FOCAD: variants seen among roughly 807,000 people sequenced by gnomAD.
FOCAD encodes KIAA1797.
A neutral mutation model predicts 225.6 loss-of-function variants in FOCAD; 198 were observed. The ratio of observed to expected loss-of-function variants is 0.88; its 90% CI spans 0.78 to 0.99. The LOEUF is 0.99. Ranked by LOEUF, FOCAD falls within the 50% of genes least tolerant of loss-of-function variation. The pLI, the probability that FOCAD is intolerant of heterozygous loss-of-function variation, is 0.00. For missense variants in FOCAD, 2,713 were observed against 2,123.6 expected (o/e 1.28, Z -5.46); for synonymous variants, 897 against 755.0 (o/e 1.19, Z -3.08).
chr9:20,670,244 A>G (rs924855947), intron 2 of FOCAD, among the ~76,000 whole-genome samples: 1 of 152,224 alleles, frequency 6.6e-6, no homozygotes, highest in African/African-American at 2.4e-5. Context: ...AGGGCTTTAT[A>G]TGAATAATCT....
intron 1 of FOCAD, among the ~76,000 whole-genome samples, chr9:20,713,367 G>A (rs952260922): frequency 6.6e-6 from 1 of 152,008 alleles, no homozygotes; most frequent in African/African-American, 2.4e-5. Flanking sequence ...ACACTCTTCC[G>A]CCTAGATATC....
chr9:20,905,402 A>G (rs1013077796), intron 21 of FOCAD, among the ~76,000 whole-genome samples: 1 of 152,004 alleles, frequency 6.6e-6, no homozygotes, highest in Non-Finnish European at 1.5e-5. Flanking sequence ...TTTAAAAAGC[A>G]TTTGTGAGAC....
chr9:20,880,590 A>C (rs1170971847), intron 19 of FOCAD, among the ~76,000 whole-genome samples: 1 of 152,220 alleles, frequency 6.6e-6, no homozygotes, highest in Admixed American at 6.6e-5. Context: ...AAGAAGGAGT[A>C]AATGGAAAAC....
At chr9:20,656,624 T>G (rs1367809510), upstream of FOCAD, among the ~76,000 whole-genome samples, 1 of 152,028 alleles carries the variant, frequency 6.6e-6, no homozygotes, top group Non-Finnish European at 1.5e-5. Flanking sequence ...GTTTTCCATT[T>G]GCTTGGTAGA....
At chr9:20,795,940 A>T (rs571087618) in intron 11 of FOCAD, among the ~76,000 whole-genome samples, 3 of 151,750 alleles carry the variant, frequency 2.0e-5, no homozygotes, top group African/African-American at 7.3e-5. Flanking sequence ...CATTAGGTAT[A>T]TCTCCTAATG....
chr9:20,692,872 G>T (rs1353036829), intron 1 of FOCAD, among the ~76,000 whole-genome samples: 2 of 152,106 alleles, frequency 1.3e-5, no homozygotes, highest in African/African-American at 2.4e-5. Flanking sequence ...TTCTGAGGGG[G>T]TGCAGCAAAG....
chr9:20,816,925 T>G lies in FOCAD; in HGVS notation c.1456-2871T>G, dbSNP rs112849912. On this transcript the variant is annotated intron_variant, in intron 11 of 43. Coordinates refer to ENST00000338382, the MANE Select transcript of FOCAD (RefSeq NM_001375567.1). ...ATGATTTAAAGTGTATGAAAGGATG[T>G]GCATAGGTTGTATACAAATACCTAT... Among the ~76,000 whole-genome samples, 1,154 of 152,306 alleles carry G rather than the reference T, an allele frequency of 7.6e-3. 15 individuals are homozygous for G. Among genetic ancestry groups the G allele is most frequent in the African/African-American group, 0.026 (1,093 of 41,582 alleles).
intron 15 of FOCAD, among the ~76,000 whole-genome samples, chr9:20,847,441 C>A (rs767224791): frequency 3.3e-5 from 5 of 151,116 alleles, no homozygotes; most frequent in Non-Finnish European, 7.4e-5. Flanking sequence ...CTTTGAGAAC[C>A]TACAGGAAGC....
intron 1 of FOCAD, among the ~76,000 whole-genome samples, chr9:20,689,443 G>A (rs1283849538): frequency 6.9e-6 from 1 of 145,050 alleles, no homozygotes; most frequent in African/African-American, 2.5e-5. Context: ...GCCCTCAAAA[G>A]TACAGCGGGT....
intron 29 of FOCAD, among the ~76,000 whole-genome samples, chr9:20,945,742 G>A (rs1417607330): frequency 2.0e-5 from 3 of 152,068 alleles, no homozygotes; most frequent in African/African-American, 7.2e-5. Context: ...GTAATGTTTT[G>A]ATTTATAAGG....
chr9:20,880,645 G>C (rs1239327939), intron 19 of FOCAD, among the ~76,000 whole-genome samples: 1 of 152,174 alleles, frequency 6.6e-6, no homozygotes, highest in African/African-American at 2.4e-5. Context: ...AATCTTGATT[G>C]CATCTAGGAG....
chr9:20,982,086 A>G (rs1840749977), intron 38 of FOCAD, among the ~76,000 whole-genome samples: 1 of 152,168 alleles, frequency 6.6e-6, no homozygotes, highest in South Asian at 2.1e-4. Context: ...CTGAATTGTA[A>G]TTTTACAAAG....
At chr9:20,789,753 C>A in intron 11 of FOCAD, 145 bp downstream of exon 11, 1 of 994,088 alleles carries the variant, frequency 1.0e-6, no homozygotes, top group Non-Finnish European at 1.4e-6. Context: ...TTTATCCTTC[C>A]ATTTTTTTCT....
At chr9:20,836,258 T>C (rs1416882540) in intron 15 of FOCAD, among the ~76,000 whole-genome samples, 1 of 152,136 alleles carries the variant, frequency 6.6e-6, no homozygotes, top group African/African-American at 2.4e-5. Context: ...TAATTTAATA[T>C]GGAAATGTGA....
chr9:20,765,954 T>G (rs1183843373), intron 7 of FOCAD, among the ~76,000 whole-genome samples: 1 of 152,192 alleles, frequency 6.6e-6, no homozygotes, highest in Non-Finnish European at 1.5e-5. Context: ...GAGTAAATCT[T>G]TCCTCTGCGA....
Position 20,948,330 on chromosome 9 carries a change from T to C in FOCAD, c.3735T>C (p.His1245=), listed in dbSNP as rs1291927815. 1 of 1,612,666 alleles carries C rather than the reference T, an allele frequency of 6.2e-7. No individual in the cohort carries two copies. The highest frequency in any genetic ancestry group is 1.7e-5 in the Admixed American group (1 of 59,960). ...NIVHGLSVCG[H]GKAEDLGSKL... ...TTCATGGATTGTCTGTGTGTGGACA[T>C]GGAAAAGCTGAAGACTTGGGCAGCA... The change falls in exon 31 of 44, where the codon CAT becomes CAC. Residue 1245 remains histidine, a synonymous_variant. Coordinates refer to ENST00000338382, the MANE Select transcript of FOCAD (RefSeq NM_001375567.1).
chr9:20,781,138 T>G (rs1311047747), intron 9 of FOCAD, among the ~76,000 whole-genome samples: 1 of 152,262 alleles, frequency 6.6e-6, no homozygotes, highest in African/African-American at 2.4e-5. Context: ...ACTCTACATG[T>G]AAATCAGTTA....
At chr9:20,770,534 A>G (rs1187603791) in intron 8 of FOCAD, among the ~76,000 whole-genome samples, 1 of 152,240 alleles carries the variant, frequency 6.6e-6, no homozygotes, top group Non-Finnish European at 1.5e-5. Flanking sequence ...GAACAGCACC[A>G]GGAGGATTGT....
At chr9:20,949,008 T>A (rs1009584894) in intron 32 of FOCAD, 80 bp downstream of exon 32, 5 of 1,319,644 alleles carry the variant, frequency 3.8e-6, no homozygotes, top group Non-Finnish European at 5.4e-6. Flanking sequence ...AGTGTTTTAG[T>A]ATGCTAAGAA....
Sources: allele counts gnomAD v4.1 joint callset (sites outside exome capture counted in the v4.1 genomes callset), GRCh38; gene constraint gnomAD v4.1.1; transcripts MANE v1.5; gene names NCBI Gene and HGNC (gene_info 2026-07-23, HGNC 2026-07-21).